EP300: variants seen among roughly 807,000 people sequenced by gnomAD.
EP300 encodes the protein histone acetyltransferase p300.
A neutral mutation model predicts 264.0 loss-of-function variants in EP300; 31 were observed. The observed-to-expected ratio is 0.12, with a 90% CI of 0.09 to 0.16. EP300 has a LOEUF of 0.16. Among genes scored for constraint, EP300 ranks in the 10% least tolerant of loss-of-function variants. The probability of loss-of-function intolerance (pLI) is 1.00; values close to 1 mark genes in which losing one functional copy is unlikely to be tolerated. For missense variants in EP300, 2,766 were observed against 3,052.9 expected (o/e 0.91, Z 2.21); for synonymous variants, 1,340 against 1,045.4 (o/e 1.28, Z -5.44).
At position 41,093,094 on chromosome 22, in the gene EP300, C is replaced by G. The variant is rs2145665827; in HGVS notation, c.90C>G (p.Gly30=). Residue 30 remains glycine, a synonymous_variant, in exon 1 of 31, where the codon GGC becomes GGG. Coordinates refer to ENST00000263253, the MANE Select transcript of EP300 (RefSeq NM_001429.4). ...SPALSASASD[G]TDFGSLFDLE... ...CCCTCTCGGCGTCCGCCAGCGATGG[C>G]ACAGGTTAGTTTCGGCAGCCCCGGC... The G allele has an allele frequency of 6.2e-7, 1 of 1,614,082 alleles. No individual in the cohort carries two copies. The highest frequency in any genetic ancestry group is 8.5e-7 in the Non-Finnish European group (1 of 1,180,016).
In EP300 at chr22:41,126,159, G is replaced by A; in HGVS notation, c.906+119G>A. On this transcript the variant is annotated intron_variant, in intron 3 of 30. Coordinates refer to ENST00000263253, the MANE Select transcript of EP300 (RefSeq NM_001429.4). ...TTTGTACCCACTAGGAGCCTAAATT[G>A]ATATGTACTTGATGATCCCTGTGAG... is the stretch of plus-strand genomic sequence containing the variant. 2.4e-5 allele frequency: 24 copies of A among 1,007,748 alleles called. No individual in the cohort carries two copies. In the South Asian group the frequency reaches 3.0e-4, roughly 13 times the overall value. 62.4% of individuals were successfully genotyped at this position (1,007,748 alleles called of 1,614,324 possible). A position where few individuals can be genotyped will look rare whatever the true frequency, so the allele number is the denominator to read the frequency against.
intron 8 of EP300, among the ~76,000 whole-genome samples, chr22:41,139,783 A>G (rs1312739971): frequency 6.6e-6 from 1 of 152,186 alleles, no homozygotes; most frequent in African/African-American, 2.4e-5. Flanking sequence ...ATTTTATTTC[A>G]GTAAGCTAAA....
At chr22:41,115,070 AC>A (rs1244846344) in intron 1 of EP300, among the ~76,000 whole-genome samples, 4 of 152,186 alleles carry the variant, frequency 2.6e-5, no homozygotes, top group Admixed American at 1.3e-4. Flanking sequence ...AGTAGCTTGG[AC>A]TATAGATGTG....
At chr22:41,150,248 A>G in intron 14 of EP300, 50 bp downstream of exon 14, 2 of 1,530,256 alleles carry the variant, frequency 1.3e-6, no homozygotes, top group Non-Finnish European at 1.8e-6. Flanking sequence ...ATACTGTAGT[A>G]TTATATTACT....
At chr22:41,160,419 C>A (rs1174540596) in intron 19 of EP300, 81 of 377,536 alleles carry the variant, frequency 2.1e-4, no homozygotes, top group African/African-American at 6.3e-4. Flanking sequence ...GCTTTGATTG[C>A]AAAAAAAAAA....
chr22:41,172,742 G>A (rs551114319), intron 28 of EP300, 79 bp downstream of exon 28: 2 of 1,466,316 alleles, frequency 1.4e-6, no homozygotes, highest in Middle Eastern at 1.7e-4. Context: ...ACTTTCAATT[G>A]GGTTTTAAAG....
rs2145696766 is a variant in EP300 at position 41,117,418 on chromosome 22, A to T, written c.326A>T (p.Gln109Leu). 6.2e-7 allele frequency: 1 copy of T among 1,614,226 alleles called. No homozygotes were observed. The highest frequency in any genetic ancestry group is 8.5e-7 in the Non-Finnish European group (1 of 1,180,034). ...GPGQVMASQA[Q>L]QSSPGLGLIN... ...GGTCAAGTCATGGCCAGCCAGGCCC[A>T]ACAGAGCAGTCCTGGATTAGGTTTG... The change falls in exon 2 of 31, where the codon CAA (glutamine) becomes CTA (leucine). Residue 109 changes from glutamine to leucine, a missense_variant. Physicochemically the swap from Gln to Leu is moderately radical, Grantham distance 113. Transcript: ENST00000263253.
rs1349786734 is a variant in EP300 at position 41,131,647 on chromosome 22, A to G, written c.1528+14A>G. 4 of 1,613,964 alleles carry G rather than the reference A, an allele frequency of 2.5e-6. No individual in the cohort carries two copies. The highest frequency in any genetic ancestry group is 2.2e-5 in the East Asian group (1 of 44,900). ...TGAGCAACATGAGTAAGTTTGTGTC[A>G]TCCTAATAACATGGTATTGGTTGTG... On this transcript the variant is annotated intron_variant, in intron 6 of 30. Transcript: ENST00000263253.
rs1173093937 is a variant in EP300 at position 41,179,976 on chromosome 22, A to G, written c.*1020A>G. On this transcript the variant is annotated 3_prime_UTR_variant, in exon 31 of 31. Transcript: ENST00000263253. ...ACCCTCAACTGTTGTAAATCATGCA[A>G]TTAAAGTTGATTACTTATAAATATG... 3.9e-5 allele frequency: 9 copies of G among 229,308 alleles called. No individual in the cohort carries two copies. The highest frequency in any genetic ancestry group is 7.8e-5 in the Non-Finnish European group (9 of 115,766). 14.2% of individuals were successfully genotyped at this position (229,308 alleles called of 1,614,324 possible).
chr22:41,169,831 T>G (rs535963608), intron 26 of EP300, among the ~76,000 whole-genome samples: 2 of 152,322 alleles, frequency 1.3e-5, no homozygotes, highest in East Asian at 3.9e-4. Context: ...CAACATTAGT[T>G]TTGTTTGTAA....
rs1064797288 is a variant in EP300, at chr22:41,117,628, C to G, written c.536C>G (p.Ala179Gly). 4 of 1,614,180 alleles carry G rather than the reference C, an allele frequency of 2.5e-6. No individual in the cohort carries two copies. The highest frequency in any genetic ancestry group is 1.7e-6 in the Non-Finnish European group (2 of 1,180,040). The change falls in exon 2 of 31, where the codon GCT becomes GGT. Residue 179 changes from alanine (A) to glycine (G), a missense_variant. Transcript: ENST00000263253. Reference protein sequence around the residue: ...MNAGMNPGMLAAGNGQGIMPN... With the variant: ...MNAGMNPGMLGAGNGQGIMPN... ...GCGGGCATGAATCCTGGAATGTTGG[C>G]TGCAGGCAATGGACAAGGGATAATG... is the stretch of plus-strand genomic sequence containing the variant.
intron 29 of EP300, among the ~76,000 whole-genome samples, chr22:41,174,234 C>T (rs1267906570): frequency 6.6e-6 from 1 of 152,032 alleles, no homozygotes; most frequent in Non-Finnish European, 1.5e-5. Context: ...AGTTGGAGAC[C>T]AGCCTGGCCA....
chr22:41,129,745 A>G (rs933683393), intron 4 of EP300, 145 bp from the exon 5 acceptor site: 3 of 657,694 alleles, frequency 4.6e-6, no homozygotes, highest in Non-Finnish European at 8.1e-6. Flanking sequence ...AATTCTGAGT[A>G]TTAATAGGAG....
chr22:41,171,246 T>TA (rs1309198229), intron 27 of EP300, among the ~76,000 whole-genome samples: 2 of 152,122 alleles, frequency 1.3e-5, no homozygotes, highest in African/African-American at 4.8e-5. Flanking sequence ...GTGCTGGGAT[T>TA]ACAGGCATGA....
chr22:41,171,003 C>T (rs1398951449), intron 27 of EP300, among the ~76,000 whole-genome samples: 1 of 147,682 alleles, frequency 6.8e-6, no homozygotes, highest in Non-Finnish European at 1.5e-5. Flanking sequence ...CTTGTTCTAC[C>T]TCTTGCATGT....
rs1388312943 is a variant in EP300, at chr22:41,167,582, GTGTATATATATATATATATATATATA to G, written c.3875-865_3875-840del. ...TATTTGTGTGTGTGTGTGTGTGTGT[GTGTATATATATATATATATATATATA>G]TATATATATATATATATATATATAT... On this transcript the variant is annotated intron_variant, in intron 23 of 30. Coordinates refer to ENST00000263253, the MANE Select transcript of EP300 (RefSeq NM_001429.4). Among the ~76,000 whole-genome samples, 57 of 21,684 alleles carry G rather than the reference GTGTATATATATATATATATATATATA, an allele frequency of 2.6e-3. 1 individual carries two copies. The East Asian group carries it at 0.049, about 19-fold the overall frequency. The allele number at this position is 21,684 out of a possible 152,430, so 14.2% of individuals were successfully genotyped here. A position where few individuals can be genotyped will look rare whatever the true frequency, so the allele number is the denominator to read the frequency against.
intron 1 of EP300, among the ~76,000 whole-genome samples, chr22:41,100,553 G>C (rs1271179290): frequency 6.6e-6 from 1 of 151,996 alleles, no homozygotes; most frequent in Non-Finnish European, 1.5e-5. Context: ...AAATATTTAG[G>C]GGAAAAAAAT....
chr22:41,154,914 T>C (rs2145744206), intron 16 of EP300, 81 bp from the exon 17 acceptor site: 1 of 953,510 alleles, frequency 1.0e-6, no homozygotes, highest in Non-Finnish European at 1.7e-6. Context: ...TGAGATGCTT[T>C]TAGAGCTTCA....
rs2058748711 is a variant in EP300 at position 41,104,647 on chromosome 22, G to C, written c.94+11549G>C. Among the ~76,000 whole-genome samples, 3 of 152,142 alleles carry C rather than the reference G, an allele frequency of 2.0e-5. No homozygotes were observed. In the South Asian group the frequency reaches 6.2e-4, roughly 32 times the overall value. Reference sequence around the variant, plus strand: ...TATTAATACATTGAAAAAGAGCAAGGTGAATTGTCAATGTGAATTTTCTAA... The same window carrying C: ...TATTAATACATTGAAAAAGAGCAAGCTGAATTGTCAATGTGAATTTTCTAA... On this transcript the variant is annotated intron_variant, in intron 1 of 30. Transcript: ENST00000263253.
Sources: allele counts gnomAD v4.1 joint callset (sites outside exome capture counted in the v4.1 genomes callset), GRCh38; gene constraint gnomAD v4.1.1; transcripts MANE v1.5; gene names NCBI Gene and HGNC (gene_info 2026-07-23, HGNC 2026-07-21).